The following GRID1 variants were observed in gnomAD, a reference collection of about 807,000 sequenced individuals.
GRID1 encodes the protein glutamate ionotropic receptor delta type subunit 1, also known as glutamate receptor ionotropic, delta-1.
A neutral mutation model predicts 98.0 loss-of-function variants in GRID1; 28 were observed. The ratio of observed to expected loss-of-function variants is 0.29; its 90% CI spans 0.21 to 0.39. The LOEUF (loss-of-function observed/expected upper bound fraction) is 0.39, where lower values mean the gene tolerates loss of function less well. Ranked by LOEUF, GRID1 falls within the 10% of genes least tolerant of loss-of-function variation. The pLI is 1.00. For synonymous variants in GRID1, 553 were observed against 538.5 expected (o/e 1.03, Z -0.37); for missense variants, 1,111 against 1,340.5 (o/e 0.83, Z 2.67).
intron 2 of GRID1, among the ~76,000 whole-genome samples, chr10:86,306,382 C>A (rs1009442448): frequency 2.0e-5 from 3 of 152,202 alleles, no homozygotes; most frequent in Non-Finnish European, 4.4e-5. Flanking sequence ...AGGTAACATT[C>A]CCCAATAGCT....
chr10:86,232,465 C>A (rs900534144), intron 2 of GRID1, among the ~76,000 whole-genome samples: 5 of 152,280 alleles, frequency 3.3e-5, no homozygotes, highest in Admixed American at 2.6e-4. Flanking sequence ...AGGCAGGAGT[C>A]GATACAGCCC....
intron 8 of GRID1, among the ~76,000 whole-genome samples, chr10:85,753,771 C>A (rs572645402): frequency 6.6e-6 from 1 of 152,200 alleles, no homozygotes; most frequent in Non-Finnish European, 1.5e-5. Context: ...CAGCCTCCCA[C>A]GGGGAATAGG....
Position 85,602,648 on chromosome 10 carries a change from A to G in GRID1, c.2655T>C (p.Asp885=). 1 of 1,613,924 alleles carries G rather than the reference A, an allele frequency of 6.2e-7. No individual in the cohort carries two copies. ...QVHRRMNSLM[D]EDIAHKQISP... The stretch of plus-strand genomic sequence containing the variant: ...AAATCTGCTTGTGAGCAATGTCTTC[A>G]TCCATGAGGCTGTTCATGCGCCGGT... The change falls in exon 16 of 16, where the codon GAT becomes GAC. Residue 885 remains aspartate (D), a synonymous_variant. Coordinates refer to ENST00000327946, the MANE Select transcript of GRID1 (RefSeq NM_017551.3).
chr10:85,723,179 C>T (rs755111835), intron 11 of GRID1, 38 bp from the exon 12 acceptor site: 4 of 1,571,574 alleles, frequency 2.5e-6, no homozygotes, highest in Non-Finnish European at 3.5e-6. Flanking sequence ...CCAGTGGCTT[C>T]TGCTCTCCCT....
At chr10:86,349,339 G>A (rs879191348) in intron 2 of GRID1, among the ~76,000 whole-genome samples, 9 of 152,182 alleles carry the variant, frequency 5.9e-5, no homozygotes, top group Admixed American at 2.6e-4. Flanking sequence ...AGCTTATACC[G>A]CCAGCACCTG....
chr10:86,167,558 C>G (rs1050033742), intron 3 of GRID1, among the ~76,000 whole-genome samples: 1 of 152,134 alleles, frequency 6.6e-6, no homozygotes, highest in Non-Finnish European at 1.5e-5. Flanking sequence ...GGCGGGCTTT[C>G]CAGCAGCAGC....
At chr10:86,003,078 C>T (rs916776660) in intron 4 of GRID1, among the ~76,000 whole-genome samples, 2 of 152,246 alleles carry the variant, frequency 1.3e-5, no homozygotes, top group African/African-American at 4.8e-5. Flanking sequence ...TCTTCTGTCT[C>T]CTGAACCCAA....
intron 8 of GRID1, among the ~76,000 whole-genome samples, chr10:85,764,350 A>G (rs1842176642): frequency 6.6e-6 from 1 of 152,256 alleles, no homozygotes; most frequent in Admixed American, 6.5e-5. Flanking sequence ...ACAGGGCCTC[A>G]GGATAAATTC....
chr10:86,338,157 T>G (rs1011637358), intron 2 of GRID1, among the ~76,000 whole-genome samples: 1 of 152,150 alleles, frequency 6.6e-6, no homozygotes, highest in Non-Finnish European at 1.5e-5. Context: ...CTCCCATCCC[T>G]GGTAACACTC....
intron 8 of GRID1, among the ~76,000 whole-genome samples, chr10:85,806,167 A>C (rs751921669): frequency 1.3e-5 from 2 of 152,062 alleles, no homozygotes; most frequent in Non-Finnish European, 2.9e-5. Context: ...ATTTGAATAG[A>C]CACTTCACAA....
At chr10:85,915,468 C>A (rs1021922572) in intron 5 of GRID1, among the ~76,000 whole-genome samples, 1 of 151,928 alleles carries the variant, frequency 6.6e-6, no homozygotes, top group African/African-American at 2.4e-5. Flanking sequence ...CTTGTACATG[C>A]ACAATCACAC....
At chr10:86,321,099 CA>C (rs71487246) in intron 2 of GRID1, among the ~76,000 whole-genome samples, 1,942 of 89,584 alleles carry the variant, frequency 0.022, 20 homozygotes, top group Non-Finnish European at 0.032. Flanking sequence ...GACTCCATCT[CA>C]AAAAAAAAAA....
rs573539673 is a variant in GRID1, at chr10:86,107,362, G to A, written c.726+31457C>T. Among the ~76,000 whole-genome samples, 12 of 152,372 alleles carry A rather than the reference G, an allele frequency of 7.9e-5. No individual in the cohort carries two copies. The East Asian group carries it at 1.5e-3, about 20-fold the overall frequency. On this transcript the variant is annotated intron_variant, in intron 4 of 15. Coordinates refer to ENST00000327946, the MANE Select transcript of GRID1 (RefSeq NM_017551.3). ...TGCACAGCCATGAGGACCGTGATCTGAAGGGCGTCCCTTGGCAGGTACGAT... is the reference window on the plus strand; with the variant it reads ...TGCACAGCCATGAGGACCGTGATCTAAAGGGCGTCCCTTGGCAGGTACGAT...
chr10:86,337,599 C>A (rs1848241083), intron 2 of GRID1, among the ~76,000 whole-genome samples: 1 of 151,954 alleles, frequency 6.6e-6, no homozygotes, highest in African/African-American at 2.4e-5. Context: ...CAAGGAAGAA[C>A]TGCTCCTCGT....
intron 4 of GRID1, among the ~76,000 whole-genome samples, chr10:86,132,110 G>A (rs1224988238): frequency 1.3e-5 from 2 of 152,148 alleles, no homozygotes; most frequent in Non-Finnish European, 2.9e-5. Context: ...TCATGGAGAG[G>A]GGACAGTGGA....
chr10:86,143,268 C>T (rs1198495537), intron 3 of GRID1, among the ~76,000 whole-genome samples: 1 of 152,204 alleles, frequency 6.6e-6, no homozygotes, highest in East Asian at 1.9e-4. Context: ...CAGTGAGGAG[C>T]CCAAGCCCAT....
intron 4 of GRID1, among the ~76,000 whole-genome samples, chr10:86,129,827 A>G (rs1039684735): frequency 5.3e-5 from 8 of 152,220 alleles, no homozygotes; most frequent in Non-Finnish European, 7.3e-5. Flanking sequence ...TCCCCCCTCA[A>G]GAGCAGTCTT....
intron 2 of GRID1, among the ~76,000 whole-genome samples, chr10:86,286,316 CTGTG>C (rs1847430702): frequency 6.6e-6 from 1 of 152,166 alleles, no homozygotes; most frequent in Non-Finnish European, 1.5e-5. Context: ...GACCTGAGTG[CTGTG>C]CCTTTATTGA....
At chr10:86,312,979 A>G (rs1456892691) in intron 2 of GRID1, among the ~76,000 whole-genome samples, 2 of 152,236 alleles carry the variant, frequency 1.3e-5, no homozygotes, top group Non-Finnish European at 2.9e-5. Context: ...TGGCAACGAA[A>G]CAACAGAGCA....
Sources: allele counts gnomAD v4.1 joint callset (sites outside exome capture counted in the v4.1 genomes callset), GRCh38; gene constraint gnomAD v4.1.1; transcripts MANE v1.5; gene names NCBI Gene and HGNC (gene_info 2026-07-23, HGNC 2026-07-21).